GRID2: variants seen among roughly 807,000 people sequenced by gnomAD.
The protein encoded by GRID2 is glutamate ionotropic receptor delta type subunit 2, also known as glutamate receptor ionotropic, delta-2.
Under a neutral mutation model 114.8 loss-of-function variants are expected in GRID2, and 33 were observed. The observed-to-expected ratio is 0.29, with a 90% CI of 0.22 to 0.38. The LOEUF is 0.38. Among genes scored for constraint, GRID2 ranks in the 10% least tolerant of loss-of-function variants. GRID2 has a pLI of 1.00. For missense variants in GRID2, 1,184 were observed against 1,257.7 expected (o/e 0.94, Z 0.89); for synonymous variants, 505 against 449.9 (o/e 1.12, Z -1.55).
At position 93,360,358 on chromosome 4, in the gene GRID2, T is replaced by C. The variant is rs181165006; in HGVS notation, c.1246-35249T>C. Among the ~76,000 whole-genome samples, 56 of 152,120 alleles carry C rather than the reference T, an allele frequency of 3.7e-4. 1 individual carries two copies. Among genetic ancestry groups the C allele is most frequent in the African/African-American group, 1.1e-3 (47 of 41,560 alleles). ...CCAGCTTCTTGAATGGAATACTTAG[T>C]TCATTTATTTTAATTTTGTTGTGCT... On this transcript the variant is annotated intron_variant, in intron 8 of 15. Coordinates refer to ENST00000282020, the MANE Select transcript of GRID2 (RefSeq NM_001510.4).
At chr4:92,471,648 C>A (rs890863864) in intron 1 of GRID2, among the ~76,000 whole-genome samples, 1 of 149,270 alleles carries the variant, frequency 6.7e-6, no homozygotes, top group Non-Finnish European at 1.5e-5. Context: ...CTAACTTAAA[C>A]AAATTTAAAT....
intron 8 of GRID2, among the ~76,000 whole-genome samples, chr4:93,286,206 A>G (rs937036104): frequency 7.9e-5 from 12 of 152,126 alleles, no homozygotes; most frequent in African/African-American, 2.9e-4. Context: ...AGACTGAGCT[A>G]GTTGTTCTCT....
intron 13 of GRID2, among the ~76,000 whole-genome samples, chr4:93,526,999 A>G (rs1185141124): frequency 6.6e-6 from 1 of 152,250 alleles, no homozygotes; most frequent in South Asian, 2.1e-4. Context: ...GTTAGTGTGT[A>G]TGTATATTAT....
chr4:93,218,915 G>A (rs1744559522), intron 6 of GRID2, among the ~76,000 whole-genome samples: 2 of 152,100 alleles, frequency 1.3e-5, no homozygotes, highest in Admixed American at 6.6e-5. Context: ...AAAACCATCA[G>A]ATCTTGTGAA....
chr4:92,482,026 ATATATAT>A (rs1560660593), intron 1 of GRID2, among the ~76,000 whole-genome samples: 7 of 69,596 alleles, frequency 1.0e-4, no homozygotes, highest in East Asian at 9.1e-4. Context: ...ATATATATAT[ATATATAT>A]AAAATAACAA....
chr4:93,739,110 G>C (rs1248666788), intron 14 of GRID2, among the ~76,000 whole-genome samples: 1 of 152,000 alleles, frequency 6.6e-6, no homozygotes, highest in Non-Finnish European at 1.5e-5. Context: ...AAGAGGGAAG[G>C]GGCACAGCTT....
At chr4:93,621,036 A>C (rs565665205) in intron 13 of GRID2, among the ~76,000 whole-genome samples, 1 of 152,320 alleles carries the variant, frequency 6.6e-6, no homozygotes, top group East Asian at 1.9e-4. Context: ...AGTTGTAAGC[A>C]GCTTGATGAT....
intron 8 of GRID2, among the ~76,000 whole-genome samples, chr4:93,390,988 A>AT (rs1764803145): frequency 6.6e-6 from 1 of 151,826 alleles, no homozygotes; most frequent in Non-Finnish European, 1.5e-5. Flanking sequence ...GAACCATGTG[A>AT]TTTTTTTTCT....
intron 8 of GRID2, among the ~76,000 whole-genome samples, chr4:93,332,425 G>T (rs1032108821): frequency 1.3e-5 from 2 of 151,360 alleles, no homozygotes; most frequent in African/African-American, 4.9e-5. Flanking sequence ...CTGTATCCAC[G>T]CAGCCAATAA....
intron 1 of GRID2, among the ~76,000 whole-genome samples, chr4:92,530,768 G>A (rs12650419): frequency 0.12 from 17,570 of 150,174 alleles, 1,091 homozygotes; most frequent in Middle Eastern, 0.16. Context: ...TTAGCTGGGC[G>A]TGGTGGCGTG....
chr4:93,763,657 G>T (rs1733397661), intron 14 of GRID2, among the ~76,000 whole-genome samples: 1 of 152,154 alleles, frequency 6.6e-6, no homozygotes, highest in South Asian at 2.1e-4. Context: ...TATTATCTGT[G>T]TGAGCAACTT....
At chr4:93,414,071 G>A (rs575360966) in intron 9 of GRID2, among the ~76,000 whole-genome samples, 54 of 152,252 alleles carry the variant, frequency 3.5e-4, no homozygotes, top group Admixed American at 1.0e-3. Context: ...TAGGAAGTAT[G>A]AGATGGTGTT....
intron 13 of GRID2, among the ~76,000 whole-genome samples, chr4:93,624,390 A>T (rs1742501413): frequency 6.6e-6 from 1 of 152,266 alleles, no homozygotes; most frequent in East Asian, 1.9e-4. Flanking sequence ...TTGGATTACT[A>T]GCAAGCATAA....
chr4:93,673,083 C>T (rs1724568913), intron 14 of GRID2, among the ~76,000 whole-genome samples: 1 of 152,182 alleles, frequency 6.6e-6, no homozygotes, highest in African/African-American at 2.4e-5. Context: ...AAGTACACTA[C>T]ACATTGGCAT....
rs1278788224 is a variant in GRID2, at chr4:92,727,597, A to G, written c.244+137311A>G. 2.0e-5 allele frequency among the ~76,000 whole-genome samples: 3 copies of G among 152,118 alleles called. No homozygotes were observed. The East Asian group carries it at 5.8e-4, about 29-fold the overall frequency. On this transcript the variant is annotated intron_variant, in intron 2 of 15. Coordinates refer to ENST00000282020, the MANE Select transcript of GRID2 (RefSeq NM_001510.4). The stretch of plus-strand genomic sequence containing the variant: ...TATATACCATATATTTGTGTTGTAT[A>G]TGTTACAGTAGTGACACATTAATGA...
chr4:93,101,192 G>A (rs1203262913), intron 3 of GRID2, among the ~76,000 whole-genome samples: 1 of 152,002 alleles, frequency 6.6e-6, no homozygotes, highest in Non-Finnish European at 1.5e-5. Flanking sequence ...GGGTACATAT[G>A]ATAATTTGAT....
intron 2 of GRID2, among the ~76,000 whole-genome samples, chr4:92,997,321 A>T (rs1755261441): frequency 6.6e-6 from 1 of 152,164 alleles, no homozygotes; most frequent in Non-Finnish European, 1.5e-5. Context: ...AGTAAGATAC[A>T]GGAACCCAAG....
chr4:92,976,824 A>C (rs1173649597), intron 2 of GRID2, among the ~76,000 whole-genome samples: 1 of 152,160 alleles, frequency 6.6e-6, no homozygotes, highest in Non-Finnish European at 1.5e-5. Flanking sequence ...TTTTACAGCA[A>C]ATAAGCAAAA....
At position 92,385,401 on chromosome 4, in the gene GRID2, AAC is replaced by A. The variant is rs1018921138; in HGVS notation, c.88+80661_88+80662del. On this transcript the variant is annotated intron_variant, in intron 1 of 15. Coordinates refer to ENST00000282020, the MANE Select transcript of GRID2 (RefSeq NM_001510.4). The stretch of plus-strand genomic sequence containing the variant: ...TTGCATTAGATATTTTAATTGTGGC[AAC>A]ACAGAGTATCAACTGGAATTTATTA... 9.3e-4 allele frequency among the ~76,000 whole-genome samples: 141 copies of A among 151,968 alleles called. 1 individual carries two copies. Among genetic ancestry groups the A allele is most frequent in the African/African-American group, 3.0e-3 (126 of 41,550 alleles).
Sources: gnomAD v4.1 joint callset for allele counts (sites outside exome capture counted in the v4.1 genomes callset) on GRCh38, gnomAD v4.1.1 for gene constraint, MANE v1.5 for transcripts, NCBI Gene and HGNC (gene_info 2026-07-23, HGNC 2026-07-21) for gene names.